Variants in ULK4 observed in about 807,000 individuals in gnomAD.
ULK4 encodes inactive serine/threonine-protein kinase ULK4.
A neutral mutation model predicts 160.6 loss-of-function variants in ULK4; 133 were observed. The observed-to-expected ratio is 0.83, with a 90% CI of 0.72 to 0.96. The LOEUF is 0.96. Ranked by LOEUF, ULK4 falls within the 40% of genes least tolerant of loss-of-function variation. The pLI, the probability that ULK4 is intolerant of heterozygous loss-of-function variation, is 0.00. For synonymous variants in ULK4, 534 were observed against 539.8 expected, an observed-to-expected ratio of 0.99 and a Z score of 0.15; for missense variants, 1,580 against 1,499.5, an observed-to-expected ratio of 1.05 and a Z score of -0.89.
In ULK4 at chr3:41,493,989, C is replaced by T. The variant is rs1266208280; in HGVS notation, c.3227-30736G>A. On this transcript the variant is annotated intron_variant, in intron 32 of 36. Transcript: ENST00000301831. ...GACCAGATGGATTCACAGCCGAATTCTACCAGAGGTACAAGGAGGAACTGG... is the reference window on the plus strand; with the variant it reads ...GACCAGATGGATTCACAGCCGAATTTTACCAGAGGTACAAGGAGGAACTGG... Among the ~76,000 whole-genome samples the T allele has an allele frequency of 2.7e-5, 4 of 148,410 alleles. No homozygotes were observed. In the East Asian group the frequency reaches 5.9e-4, roughly 22 times the overall value.
chr3:41,537,396 G>A (rs1471297993), intron 32 of ULK4, among the ~76,000 whole-genome samples: 1 of 151,880 alleles, frequency 6.6e-6, no homozygotes, highest in African/African-American at 2.4e-5. Context: ...TCTCTATTAG[G>A]GGTTCTTCCA....
intron 30 of ULK4, among the ~76,000 whole-genome samples, chr3:41,658,735 A>ACACACACACACACACACT (rs59048058): frequency 1.5e-5 from 2 of 131,350 alleles, no homozygotes; most frequent in African/African-American, 5.9e-5. Context: ...CAGTACACAC[A>ACACACACACACACACACT]CACACACACA....
In ULK4 at chr3:41,535,151, G is replaced by A. The variant is rs538041520; in HGVS notation, c.3226+30874C>T. 2.6e-5 allele frequency among the ~76,000 whole-genome samples: 4 copies of A among 152,282 alleles called. No homozygotes were observed. The East Asian group carries it at 7.7e-4, about 29-fold the overall frequency. ...AGGAGTACTGGTGCATAAGAGCACT[G>A]CCAAAGCACAGTCTCCTGAGGTCTC... On this transcript the variant is annotated intron_variant, in intron 32 of 36. Transcript: ENST00000301831.
chr3:41,789,304 T>C (rs2040082911), intron 21 of ULK4, among the ~76,000 whole-genome samples: 1 of 151,442 alleles, frequency 6.6e-6, no homozygotes, highest in African/African-American at 2.4e-5. Context: ...AGCAGAAAAA[T>C]ATAAAGGGAC....
intron 32 of ULK4, among the ~76,000 whole-genome samples, chr3:41,564,109 C>T (rs983996482): frequency 1.3e-5 from 2 of 152,158 alleles, no homozygotes; most frequent in African/African-American, 2.4e-5. Flanking sequence ...TTCCTTCTTA[C>T]AGTCAGGTCC....
intron 35 of ULK4, among the ~76,000 whole-genome samples, chr3:41,327,676 C>A (rs1575436276): frequency 6.6e-6 from 1 of 152,288 alleles, no homozygotes; most frequent in East Asian, 1.9e-4. Context: ...GAGGAGACTG[C>A]AGGTTTCAGA....
Position 41,800,244 on chromosome 3 carries a change from C to G in ULK4, c.1898G>C (p.Cys633Ser). 1 of 1,613,272 alleles carries G rather than the reference C, an allele frequency of 6.2e-7. No homozygotes were observed. Among genetic ancestry groups the G allele is most frequent in the Non-Finnish European group, 8.5e-7 (1 of 1,179,788 alleles). The change falls in exon 20 of 37, where the codon TGT (cysteine) becomes TCT (serine). Residue 633 changes from cysteine (C) to serine (S), a missense_variant. By Grantham distance (112) the Cys-to-Ser change is moderately radical (BLOSUM62 -1). Transcript: ENST00000301831. ...HMAAKIIENV[C>S]TTFSAQSQGF... The stretch of plus-strand genomic sequence containing the variant: ...CTGGGACTGAGCAGAAAAGGTGGTA[C>G]AGACATTTTCAATAATTTTTGCTGC...
chr3:41,956,247 C>G (rs1700480019), intron 1 of ULK4, among the ~76,000 whole-genome samples: 1 of 152,136 alleles, frequency 6.6e-6, no homozygotes, highest in African/African-American at 2.4e-5. Flanking sequence ...AATTGGCTGA[C>G]TGCAACCAAT....
At chr3:41,933,348 T>C (rs1255622963) in intron 4 of ULK4, among the ~76,000 whole-genome samples, 1 of 152,212 alleles carries the variant, frequency 6.6e-6, no homozygotes, top group Non-Finnish European at 1.5e-5. Context: ...GTAAATATTT[T>C]AGACTTTACG....
chr3:41,846,069 C>T (rs2042061989), intron 17 of ULK4, among the ~76,000 whole-genome samples: 1 of 152,150 alleles, frequency 6.6e-6, no homozygotes, highest in African/African-American at 2.4e-5. Flanking sequence ...ATAGAAATTG[C>T]TTTAGAACTC....
chr3:41,928,953 A>T (rs1699485300), intron 5 of ULK4, among the ~76,000 whole-genome samples: 1 of 152,162 alleles, frequency 6.6e-6, no homozygotes, highest in South Asian at 2.1e-4. Context: ...TATTACAAAC[A>T]ATATAAAAAG....
At chr3:41,279,775 C>T (rs1043247875) in intron 35 of ULK4, among the ~76,000 whole-genome samples, 1 of 152,030 alleles carries the variant, frequency 6.6e-6, no homozygotes, top group Non-Finnish European at 1.5e-5. Flanking sequence ...ATTTTGTCAC[C>T]ATGAGGCCAC....
chr3:41,302,778 T>C (rs1240403362), intron 35 of ULK4, among the ~76,000 whole-genome samples: 2 of 152,158 alleles, frequency 1.3e-5, no homozygotes, highest in African/African-American at 4.8e-5. Flanking sequence ...TGAATGTCTG[T>C]TGGGGGACTA....
At chr3:41,402,821 C>A (rs558900645) in intron 34 of ULK4, among the ~76,000 whole-genome samples, 4 of 151,988 alleles carry the variant, frequency 2.6e-5, no homozygotes, top group Non-Finnish European at 5.9e-5. Context: ...AGGACTTTGT[C>A]TTAGTTTAGT....
At chr3:41,586,622 T>A (rs1166172815) in intron 31 of ULK4, among the ~76,000 whole-genome samples, 1 of 152,176 alleles carries the variant, frequency 6.6e-6, no homozygotes, top group Non-Finnish European at 1.5e-5. Context: ...ATTTAAAAAT[T>A]GTTAAAATGG....
intron 21 of ULK4, among the ~76,000 whole-genome samples, chr3:41,772,278 G>A (rs1185540346): frequency 6.6e-6 from 1 of 152,126 alleles, no homozygotes; most frequent in Non-Finnish European, 1.5e-5. Flanking sequence ...AATGAATCCA[G>A]GAGCTGGTTT....
chr3:41,694,105 T>C lies in ULK4; in HGVS notation c.2781+10952A>G, dbSNP rs2036404496. On this transcript the variant is annotated intron_variant, in intron 27 of 36. Transcript: ENST00000301831. ...AACAATTTATTACAGGATTAGCAAATGAGAAAATGTGCTGATGATGCTGGA... is the reference window on the plus strand; with the variant it reads ...AACAATTTATTACAGGATTAGCAAACGAGAAAATGTGCTGATGATGCTGGA... 3.9e-5 allele frequency among the ~76,000 whole-genome samples: 6 copies of C among 152,086 alleles called. No homozygotes were observed. In the South Asian group the frequency reaches 1.2e-3, roughly 32 times the overall value.
chr3:41,246,794 G>A lies in ULK4; in HGVS notation c.*135C>T, dbSNP rs1384177071. The A allele has an allele frequency of 4.7e-6, 5 of 1,068,158 alleles. No individual in the cohort carries two copies. The African/African-American group carries it at 8.0e-5, about 17-fold the overall frequency. The allele number at this position is 1,068,158 out of a possible 1,614,324, so 66.2% of individuals were successfully genotyped here. On this transcript the variant is annotated 3_prime_UTR_variant, in exon 37 of 37. Coordinates refer to ENST00000301831, the MANE Select transcript of ULK4 (RefSeq NM_017886.4). ...GGTTAGTGAGCACTTGGGCCACCAG[G>A]TTCTGGGTTAAGCTGACTTTATTAG...
chr3:41,614,271 T>C (rs1183098640), intron 31 of ULK4, among the ~76,000 whole-genome samples: 3 of 152,140 alleles, frequency 2.0e-5, no homozygotes, highest in African/African-American at 4.8e-5. Flanking sequence ...CTCTAGGATG[T>C]CTATAAAATG....
Sources: allele counts gnomAD v4.1 joint callset (sites outside exome capture counted in the v4.1 genomes callset), GRCh38; gene constraint gnomAD v4.1.1; transcripts MANE v1.5; gene names NCBI Gene and HGNC (gene_info 2026-07-23, HGNC 2026-07-21).